The following MIA3 variants were observed in gnomAD, a reference collection of about 807,000 sequenced individuals.
MIA3 encodes the protein MIA SH3 domain ER export factor 3.
A neutral mutation model predicts 192.4 loss-of-function variants in MIA3; 90 were observed. That is an observed-to-expected ratio of 0.47 (90% CI 0.39 to 0.56). The LOEUF (loss-of-function observed/expected upper bound fraction) is 0.56. MIA3 is among the 20% of genes least tolerant of loss of function. MIA3 has a pLI of 0.00. For synonymous variants in MIA3, 740 were observed against 792.8 expected, an observed-to-expected ratio of 0.93 and a Z score of 1.12; for missense variants, 2,123 against 2,269.4, an observed-to-expected ratio of 0.94 and a Z score of 1.31.
chr1:222,656,320 A>C (rs999358679), intron 18 of MIA3, among the ~76,000 whole-genome samples: 1 of 152,066 alleles, frequency 6.6e-6, no homozygotes, highest in South Asian at 2.1e-4. Flanking sequence ...TTGTATGAAA[A>C]TGTCTTTAGT....
intron 15 of MIA3, 133 bp from the exon 16 acceptor site, chr1:222,654,110 A>C (rs772360660): frequency 2.0e-5 from 16 of 813,070 alleles, no homozygotes; most frequent in Non-Finnish European, 3.1e-5. Flanking sequence ...AAGTCAGTCT[A>C]ATCCTTTTCT....
Position 222,628,413 on chromosome 1 carries a change from GA to G in MIA3, c.1194del (p.Asp399IlefsTer5). The G allele has an allele frequency of 6.2e-7, 1 of 1,613,932 alleles. No individual in the cohort carries two copies. The highest frequency in any genetic ancestry group is 8.5e-7 in the Non-Finnish European group (1 of 1,179,976). On this transcript the variant is annotated frameshift_variant, in exon 4 of 28. Transcript: ENST00000344922. LOFTEE classifies it high-confidence loss of function. ...ATTGTCACAGGAGGTGAAGAAACAAGAGATACGATGGATTTAGAGAGCTCTA... is the reference window on the plus strand; with the variant it reads ...ATTGTCACAGGAGGTGAAGAAACAAGGATACGATGGATTTAGAGAGCTCTA... The part of the protein sequence containing the change: ...FSIVTGGEET[R>X]DTMDLESSSS...
intron 6 of MIA3, among the ~76,000 whole-genome samples, chr1:222,635,886 A>G (rs1351112920): frequency 2.6e-5 from 4 of 152,166 alleles, no homozygotes; most frequent in Non-Finnish European, 5.9e-5. Flanking sequence ...TTGCAAGGCT[A>G]TACATTCCTT....
chr1:222,618,339 C>A, intron 1 of MIA3, 96 bp downstream of exon 1: 1 of 1,187,548 alleles, frequency 8.4e-7, no homozygotes, highest in Non-Finnish European at 1.1e-6. Context: ...CTGGGCTGTG[C>A]GGGGACGGGA....
intron 18 of MIA3, 60 bp downstream of exon 18, chr1:222,654,853 A>G (rs1663632301): frequency 7.5e-7 from 1 of 1,339,600 alleles, no homozygotes; most frequent in Non-Finnish European, 1.0e-6. Flanking sequence ...AATGTGTACT[A>G]ATATAGATAA....
At chr1:222,664,224 T>C in intron 27 of MIA3, 76 bp downstream of exon 27, 1 of 1,502,934 alleles carries the variant, frequency 6.7e-7, no homozygotes, top group Non-Finnish European at 9.2e-7. Context: ...CTAAAACAAC[T>C]GCAATTGCGG....
chr1:222,638,835 AT>A (rs1662739387), intron 6 of MIA3, among the ~76,000 whole-genome samples: 1 of 152,222 alleles, frequency 6.6e-6, no homozygotes, highest in Admixed American at 6.5e-5. Context: ...AAGTGACTTT[AT>A]TTTCCACCAT....
At chr1:222,639,792 T>A (rs1021190362) in intron 6 of MIA3, among the ~76,000 whole-genome samples, 1 of 152,180 alleles carries the variant, frequency 6.6e-6, no homozygotes, top group Non-Finnish European at 1.5e-5. Flanking sequence ...TAGTGAATGA[T>A]TGAATGTTTT....
chr1:222,630,156 TC>T lies in MIA3; in HGVS notation c.2938del (p.Arg980ValfsTer8). ...YNMEKVLDKV[F>X]RASESQILSI... ...ATGGAAAAAGTCCTAGATAAGGTCT[TC>T]CGTGCTTCTGAGTCACAAATTCTGA... On this transcript the variant is annotated frameshift_variant, in exon 4 of 28. Transcript: ENST00000344922. LOFTEE classifies it high-confidence loss of function. 6.2e-7 allele frequency: 1 copy of T among 1,614,224 alleles called. No homozygotes were observed. The highest frequency in any genetic ancestry group is 8.5e-7 in the Non-Finnish European group (1 of 1,180,038).
chr1:222,642,356 A>T (rs1662900962), intron 6 of MIA3, among the ~76,000 whole-genome samples: 2 of 151,926 alleles, frequency 1.3e-5, no homozygotes, highest in African/African-American at 2.4e-5. Flanking sequence ...TCTACCTTTT[A>T]AAAAAAATGT....
intron 3 of MIA3, among the ~76,000 whole-genome samples, chr1:222,625,980 C>T (rs958412450): frequency 2.0e-5 from 3 of 152,136 alleles, no homozygotes; most frequent in African/African-American, 7.2e-5. Context: ...CTCAAGTGAT[C>T]CATCTGCCTT....
In MIA3 at chr1:222,662,321, G is replaced by A. The variant is rs202243744; in HGVS notation, c.5251G>A (p.Asp1751Asn). The change falls in exon 26 of 28, where the codon GAT becomes AAT. Residue 1751 changes from aspartate (D) to asparagine (N), a missense_variant. Physicochemically the swap from Asp to Asn is conservative, Grantham distance 23. Around this residue, in one of 3 missense-constraint regions of MIA3, gnomAD observed 762 missense variants for 856.4 expected, o/e 0.89. Transcript: ENST00000344922. ...AGGCTCTTCCCCTACCAGGGTACTC[G>A]ATGAAGGCAAGGTAAATGCACCCAT... The part of the protein sequence containing the change: ...SRGSSPTRVL[D>N]EGKVNMAPKG... 5.6e-6 allele frequency: 9 copies of A among 1,613,684 alleles called. No homozygotes were observed. Among genetic ancestry groups the A allele is most frequent in the Admixed American group, 1.7e-5 (1 of 60,000 alleles).
rs1664325757 is a variant in MIA3 at position 222,667,127 on chromosome 1, T to C, written c.*1508T>C. ...TCAATGTGAAACAATTTTCTCTCTT[T>C]ATACTAAACAACTGAAGATAGATAG... is the stretch of plus-strand genomic sequence containing the variant. On this transcript the variant is annotated 3_prime_UTR_variant, in exon 28 of 28. Coordinates refer to ENST00000344922, the MANE Select transcript of MIA3 (RefSeq NM_198551.4). 1 of 152,194 alleles carries C rather than the reference T, an allele frequency of 6.6e-6. No homozygotes were observed. Among genetic ancestry groups the C allele is most frequent in the Non-Finnish European group, 1.5e-5 (1 of 68,032 alleles). The allele number at this position is 152,194 out of a possible 1,614,324, so 9.4% of individuals were successfully genotyped here. A position where few individuals can be genotyped will look rare whatever the true frequency, so the allele number is the denominator to read the frequency against.
chr1:222,659,156 A>G, intron 19 of MIA3: 1 of 437,850 alleles, frequency 2.3e-6, no homozygotes, highest in Non-Finnish European at 4.0e-6. Context: ...ATGTAATTAA[A>G]GGATGAAAAA....
Sources: allele counts gnomAD v4.1 joint callset (sites outside exome capture counted in the v4.1 genomes callset), GRCh38; gene constraint gnomAD v4.1.1; regional missense constraint gnomAD v4.1.1; transcripts MANE v1.5; gene names NCBI Gene and HGNC (gene_info 2026-07-23, HGNC 2026-07-21).